Variants in ROBO2 observed in about 807,000 individuals in gnomAD.
ROBO2 encodes roundabout homolog 2.
ROBO2 carries 53 observed loss-of-function variants against 160.8 expected under a neutral mutation model. The ratio of observed to expected loss-of-function variants is 0.33; its 90% CI spans 0.26 to 0.41. The LOEUF is 0.41. ROBO2 is among the 10% of genes least tolerant of loss of function. The pLI is 1.00. For synonymous variants in ROBO2, 664 were observed against 611.7 expected, an observed-to-expected ratio of 1.09 and a Z score of -1.26; for missense variants, 1,577 against 1,722.4, an observed-to-expected ratio of 0.92 and a Z score of 1.49.
At chr3:76,014,463 T>TTGGCGGC (rs2066334497) in intron 2 of ROBO2, among the ~76,000 whole-genome samples, 1 of 151,134 alleles carries the variant, frequency 6.6e-6, no homozygotes, top group African/African-American at 2.4e-5. Context: ...ATAAAGGCAA[T>TTGGCGGC]TGGCAGCTGG....
intron 2 of ROBO2, among the ~76,000 whole-genome samples, chr3:76,658,066 GAATA>G (rs199659732): frequency 0.39 from 51,100 of 131,198 alleles, 10,469 homozygotes; most frequent in Non-Finnish European, 0.44. Context: ...GATCCTGTCT[GAATA>G]AATAAATAAA....
Position 76,796,511 on chromosome 3 carries a change from AGAAGGAAG to A in ROBO2, c.110-301481_110-301474del, listed in dbSNP as rs144512442. 2.2e-3 allele frequency among the ~76,000 whole-genome samples: 325 copies of A among 144,602 alleles called. 1 individual carries two copies. The highest frequency in any genetic ancestry group is 6.9e-3 in the African/African-American group (261 of 37,996). The allele number at this position is 144,602 out of a possible 152,430, so 94.9% of individuals were successfully genotyped here. On this transcript the variant is annotated intron_variant, in intron 2 of 26. Transcript: ENST00000487694. ...AGGAAGGAAGGAAGGAAAGAAGGAA[AGAAGGAAG>A]GAAGGAAGGAAGGAAGGAAGGGAGG...
chr3:76,210,810 C>T (rs180753212), intron 2 of ROBO2, among the ~76,000 whole-genome samples: 1 of 152,028 alleles, frequency 6.6e-6, no homozygotes. Context: ...AGGTAAGATG[C>T]AGGATTCTTA....
chr3:76,477,091 A>G (rs1009290561), intron 2 of ROBO2, among the ~76,000 whole-genome samples: 2 of 152,268 alleles, frequency 1.3e-5, no homozygotes, highest in Admixed American at 1.3e-4. Flanking sequence ...TACTCCGTGG[A>G]GGTGTCTATG....
At chr3:76,771,596 AC>A (rs1247392522) in intron 2 of ROBO2, among the ~76,000 whole-genome samples, 1 of 151,256 alleles carries the variant, frequency 6.6e-6, no homozygotes, top group African/African-American at 2.4e-5. Context: ...TTTAAGTCAA[AC>A]TTAAAGCTAA....
chr3:76,958,719 G>A (rs1178955353), intron 2 of ROBO2, among the ~76,000 whole-genome samples: 1 of 152,144 alleles, frequency 6.6e-6, no homozygotes, highest in Non-Finnish European at 1.5e-5. Flanking sequence ...ATAATACAGT[G>A]GTCAGGTTTT....
intron 2 of ROBO2, among the ~76,000 whole-genome samples, chr3:77,259,709 A>G (rs2058658374): frequency 6.6e-6 from 1 of 152,214 alleles, no homozygotes; most frequent in Non-Finnish European, 1.5e-5. Flanking sequence ...AAGGAGTAAG[A>G]GGTATGAAAA....
rs79816613 is a variant in ROBO2, at chr3:76,163,805, T to C, written c.109+226203T>C. On this transcript the variant is annotated intron_variant, in intron 2 of 26. Coordinates refer to the ROBO2 transcript ENST00000487694. ...TATCTGAGCCTTCAGTGAGTTGTAA[T>C]CTTTTCATGGTGGAGGATCATACCT... Among the ~76,000 whole-genome samples, 1,156 of 152,162 alleles carry C rather than the reference T, an allele frequency of 7.6e-3. 7 individuals carry two copies. Among genetic ancestry groups the C allele is most frequent in the Non-Finnish European group, 0.012 (829 of 67,988 alleles).
At chr3:76,010,862 CA>C (rs2066171481) in intron 2 of ROBO2, among the ~76,000 whole-genome samples, 1 of 151,998 alleles carries the variant, frequency 6.6e-6, no homozygotes, top group African/African-American at 2.4e-5. Flanking sequence ...AGGAAATTTG[CA>C]ACATAAAGTA....
intron 2 of ROBO2, among the ~76,000 whole-genome samples, chr3:76,392,694 A>AT (rs1448270355): frequency 6.6e-6 from 1 of 152,140 alleles, no homozygotes; most frequent in African/African-American, 2.4e-5. Context: ...AATAATAGTC[A>AT]TTTTTTGTTT....
intron 5 of ROBO2, among the ~76,000 whole-genome samples, chr3:77,494,754 T>C (rs1352865745): frequency 2.7e-5 from 4 of 149,854 alleles, no homozygotes; most frequent in Admixed American, 6.6e-5. Flanking sequence ...AATCCCTAGA[T>C]ATGATTGGAT....
At chr3:77,252,275 G>A (rs2090434051) in intron 2 of ROBO2, among the ~76,000 whole-genome samples, 1 of 152,074 alleles carries the variant, frequency 6.6e-6, no homozygotes, top group Admixed American at 6.5e-5. Context: ...GAATGGCCTT[G>A]AATATTCATA....
intron 2 of ROBO2, among the ~76,000 whole-genome samples, chr3:76,622,753 C>T (rs1207767918): frequency 6.6e-6 from 1 of 152,186 alleles, no homozygotes; most frequent in African/African-American, 2.4e-5. Flanking sequence ...TACAATCTCT[C>T]TCCTATCCAC....
At chr3:76,177,974 A>T (rs949842386) in intron 2 of ROBO2, among the ~76,000 whole-genome samples, 4 of 152,112 alleles carry the variant, frequency 2.6e-5, no homozygotes, top group African/African-American at 9.7e-5. Flanking sequence ...TAAAGGTATG[A>T]CTTTGAGTTT....
At chr3:76,829,523 A>C (rs1289003685) in intron 2 of ROBO2, among the ~76,000 whole-genome samples, 1 of 151,848 alleles carries the variant, frequency 6.6e-6, no homozygotes, top group Admixed American at 6.6e-5. Context: ...TGACACTCCC[A>C]GTACGTTTTC....
intron 2 of ROBO2, among the ~76,000 whole-genome samples, chr3:76,040,209 T>C (rs1020275790): frequency 1.3e-5 from 2 of 151,906 alleles, no homozygotes; most frequent in African/African-American, 2.4e-5. Flanking sequence ...TGTTTATAAA[T>C]GTAAAACATT....
intron 2 of ROBO2, among the ~76,000 whole-genome samples, chr3:77,241,280 C>T (rs1047870082): frequency 1.3e-5 from 2 of 152,122 alleles, no homozygotes; most frequent in Non-Finnish European, 2.9e-5. Flanking sequence ...ACTGATAAAT[C>T]AAGGTTTAAC....
intron 2 of ROBO2, among the ~76,000 whole-genome samples, chr3:77,281,440 T>C (rs923225595): frequency 1.3e-5 from 2 of 152,082 alleles, no homozygotes; most frequent in East Asian, 3.9e-4. Flanking sequence ...AGAATTTTAC[T>C]GTCTCTATAT....
At chr3:76,519,285 T>A (rs748892698) in intron 2 of ROBO2, among the ~76,000 whole-genome samples, 2 of 152,226 alleles carry the variant, frequency 1.3e-5, no homozygotes, top group African/African-American at 4.8e-5. Flanking sequence ...TTTGTTTATG[T>A]ATGTTCCTAC....
Sources: gnomAD v4.1 joint callset for allele counts (sites outside exome capture counted in the v4.1 genomes callset) on GRCh38, gnomAD v4.1.1 for gene constraint, MANE v1.5 for transcripts, NCBI Gene and HGNC (gene_info 2026-07-23, HGNC 2026-07-21) for gene names.